BDP1: variants seen among roughly 807,000 people sequenced by gnomAD.
BDP1 encodes the protein transcription factor TFIIIB component B'' homolog.
A neutral mutation model predicts 266.6 loss-of-function variants in BDP1; 169 were observed. That is an observed-to-expected ratio of 0.63 (90% CI 0.56 to 0.72). The LOEUF is 0.72. BDP1 is among the 30% of genes least tolerant of loss of function. BDP1 has a pLI of 0.00. For missense variants in BDP1, 3,015 were observed against 3,053.8 expected (o/e 0.99, Z 0.30); for synonymous variants, 1,090 against 1,022.4 (o/e 1.07, Z -1.26).
In BDP1 at chr5:71,498,784, C is replaced by T. The variant is rs377593116; in HGVS notation, c.1956+1358C>T. Among the ~76,000 whole-genome samples the T allele has an allele frequency of 1.0e-4, 15 of 150,628 alleles. 1 individual carries two copies. Among genetic ancestry groups the T allele is most frequent in the African/African-American group, 3.7e-4 (15 of 40,852 alleles). The stretch of plus-strand genomic sequence containing the variant: ...AGTCGCCCAGGCTGGAGTGCAATGG[C>T]ATGATCCTGGCTCACTGCAGCCTCT... On this transcript the variant is annotated intron_variant, in intron 13 of 38. Transcript: ENST00000358731.
intron 25 of BDP1, among the ~76,000 whole-genome samples, chr5:71,525,643 C>T (rs1422239697): frequency 1.6e-5 from 2 of 128,182 alleles, no homozygotes; most frequent in African/African-American, 5.7e-5. Context: ...GGGGGCTGAC[C>T]CCCCCACCTC....
chr5:71,530,634 C>T (rs1766185423), intron 25 of BDP1, among the ~76,000 whole-genome samples: 2 of 152,088 alleles, frequency 1.3e-5, no homozygotes, highest in Admixed American at 1.3e-4. Context: ...ACCCTCACAC[C>T]TCAGCCTCCG....
chr5:71,571,356 C>G (rs1744257261), downstream of BDP1, among the ~76,000 whole-genome samples: 2 of 152,270 alleles, frequency 1.3e-5, 1 homozygote, highest in Non-Finnish European at 2.9e-5. Context: ...TATTGCCCAG[C>G]TGGTTTTGAA....
chr5:71,493,364 A>G (rs769984644), intron 11 of BDP1, among the ~76,000 whole-genome samples: 1 of 152,132 alleles, frequency 6.6e-6, no homozygotes, highest in Non-Finnish European at 1.5e-5. Flanking sequence ...GGCTCAAATG[A>G]TTCTATCACC....
intron 1 of BDP1, among the ~76,000 whole-genome samples, chr5:71,457,756 T>C (rs1761290055): frequency 6.6e-6 from 1 of 152,224 alleles, no homozygotes; most frequent in South Asian, 2.1e-4. Flanking sequence ...ATTGAAGTCT[T>C]CCTGGAAAGG....
At chr5:71,544,292 T>C (rs1206643415) in intron 30 of BDP1, 65 bp from the exon 31 acceptor site, 25 of 1,452,646 alleles carry the variant, frequency 1.7e-5, no homozygotes, top group Non-Finnish European at 2.3e-5. Context: ...AGGGCATATG[T>C]TTCTAATACA....
intron 25 of BDP1, among the ~76,000 whole-genome samples, chr5:71,529,646 A>AT (rs1389914484): frequency 6.6e-6 from 1 of 152,222 alleles, no homozygotes; most frequent in Non-Finnish European, 1.5e-5. Flanking sequence ...AGCTACAATC[A>AT]TGCCACTGCA....
chr5:71,455,696 C>A lies in BDP1; in HGVS notation c.-182C>A, dbSNP rs1468700045. On this transcript the variant is annotated 5_prime_UTR_variant, in exon 1 of 39. Transcript: ENST00000358731. Reference sequence around the variant, plus strand: ...GGTGTGTGGCAGGGTCATGAAAAAGCGGCGGCGGCGGGAGAGAGGAGGAGG... The same window carrying A: ...GGTGTGTGGCAGGGTCATGAAAAAGAGGCGGCGGCGGGAGAGAGGAGGAGG... The A allele has an allele frequency of 1.7e-6, 1 of 599,934 alleles. No individual in the cohort carries two copies. Among genetic ancestry groups the A allele is most frequent in the African/African-American group, 1.9e-5 (1 of 53,764 alleles). The allele number at this position is 599,934 out of a possible 1,614,324, so 37.2% of individuals were successfully genotyped here. A position where few individuals can be genotyped will look rare whatever the true frequency, so the allele number is the denominator to read the frequency against.
chr5:71,465,562 C>T (rs920588975), intron 4 of BDP1, among the ~76,000 whole-genome samples: 8 of 152,178 alleles, frequency 5.3e-5, no homozygotes, highest in East Asian at 1.9e-4. Flanking sequence ...CATGTCCTGT[C>T]TGTTTCTCTT....
chr5:71,555,896 A>G (rs893689364), intron 35 of BDP1, among the ~76,000 whole-genome samples: 5 of 152,186 alleles, frequency 3.3e-5, no homozygotes, highest in African/African-American at 1.2e-4. Context: ...GCTCTTTAAA[A>G]AAGAGTTCTA....
intron 1 of BDP1, 144 bp downstream of exon 1, chr5:71,456,233 A>T (rs1173554612): frequency 3.9e-6 from 3 of 764,290 alleles, no homozygotes; most frequent in African/African-American, 1.8e-5. Flanking sequence ...AACCACTCCA[A>T]ACTGCAGTTT....
the BDP1 span, among the ~76,000 whole-genome samples, chr5:71,578,216 T>G: frequency 2.6e-5 from 4 of 152,170 alleles, no homozygotes; most frequent in African/African-American, 9.6e-5. Flanking sequence ...CTAATAAATA[T>G]GGAGGGCTGT....
intron 16 of BDP1, 54 bp downstream of exon 16, chr5:71,504,805 ACTC>A: frequency 6.4e-7 from 1 of 1,570,444 alleles, no homozygotes; most frequent in Non-Finnish European, 8.7e-7. Flanking sequence ...AAGTTTTAGA[ACTC>A]AATCAGTTTT....
chr5:71,489,671 A>T lies in BDP1; in HGVS notation c.1481A>T (p.Glu494Val), dbSNP rs1217322434. The change falls in exon 10 of 39, where the codon GAA becomes GTA. Residue 494 changes from glutamate (E) to valine (V), a missense_variant. By Grantham distance (121) the Glu-to-Val change is moderately radical (BLOSUM62 -2). This residue lies in a region of BDP1 where 2,383 missense variants were observed against 2,404.9 expected (regional missense o/e 0.99). Transcript: ENST00000358731. The part of the protein sequence containing the change: ...ATVQAGPSKG[E>V]KHKNKCQAIR... Reference sequence around the variant, plus strand: ...GTTCAGGCGGGTCCTTCTAAAGGAGAAAAACACAAGAGTAAGTTTCTTACA... The same window carrying T: ...GTTCAGGCGGGTCCTTCTAAAGGAGTAAAACACAAGAGTAAGTTTCTTACA... The T allele has an allele frequency of 1.2e-6, 2 of 1,604,056 alleles. No individual in the cohort carries two copies. Among genetic ancestry groups the T allele is most frequent in the Non-Finnish European group, 1.7e-6 (2 of 1,177,414 alleles).
intron 38 of BDP1, among the ~76,000 whole-genome samples, 164 bp from the exon 39 acceptor site, chr5:71,564,590 A>G (rs1274137339): frequency 6.6e-6 from 1 of 152,120 alleles, no homozygotes; most frequent in African/African-American, 2.4e-5. Flanking sequence ...ATAGAAGTGA[A>G]ATTTTTGGGT....
chr5:71,544,287 A>G (rs1260117638), intron 30 of BDP1, 70 bp from the exon 31 acceptor site: 61 of 1,405,636 alleles, frequency 4.3e-5, no homozygotes, highest in Admixed American at 2.1e-5. Flanking sequence ...TTAAGAGGGC[A>G]TATGTTTCTA....
chr5:71,574,195 A>G, the BDP1 span, among the ~76,000 whole-genome samples: 2 of 152,152 alleles, frequency 1.3e-5, no homozygotes, highest in African/African-American at 4.8e-5. Context: ...TTGTGGAAAA[A>G]CTGGACATTT....
chr5:71,537,133 CA>C (rs1766655952), intron 26 of BDP1, among the ~76,000 whole-genome samples: 1 of 35,640 alleles, frequency 2.8e-5, no homozygotes, highest in African/African-American at 1.1e-4. Flanking sequence ...GTCTCAAAGC[CA>C]AAAAACCAAA....
rs569876709 is a variant in BDP1 at position 71,563,743 on chromosome 5, T to C, written c.7744-1011T>C. On this transcript the variant is annotated intron_variant, in intron 38 of 38. Transcript: ENST00000358731. ...GCCTGGCCAACATGGCAAAACCCCA[T>C]CTCTACCAAAATACAAAATTTAATC... Among the ~76,000 whole-genome samples, 5 of 152,244 alleles carry C rather than the reference T, an allele frequency of 3.3e-5. No homozygotes were observed. The East Asian group carries it at 9.7e-4, about 29-fold the overall frequency.
Sources: gnomAD v4.1 joint callset for allele counts (sites outside exome capture counted in the v4.1 genomes callset) on GRCh38, gnomAD v4.1.1 for gene constraint, gnomAD v4.1.1 regional missense constraint, MANE v1.5 for transcripts, NCBI Gene and HGNC (gene_info 2026-07-23, HGNC 2026-07-21) for gene names.